PLCB1: variants seen among roughly 807,000 people sequenced by gnomAD.
PLCB1 encodes 1-phosphatidylinositol 4,5-bisphosphate phosphodiesterase beta-1.
A neutral mutation model predicts 161.8 loss-of-function variants in PLCB1; 46 were observed. The observed-to-expected ratio is 0.28, with a 90% CI of 0.22 to 0.36. PLCB1 has a LOEUF of 0.36. Ranked by LOEUF, PLCB1 falls within the 10% of genes least tolerant of loss-of-function variation. PLCB1 has a pLI of 1.00. For synonymous variants in PLCB1, 517 were observed against 503.7 expected (o/e 1.03, Z -0.35); for missense variants, 1,016 against 1,472.5 (o/e 0.69, Z 5.07).
intron 27 of PLCB1, among the ~76,000 whole-genome samples, chr20:8,778,590 A>C (rs1399687379): frequency 6.6e-6 from 1 of 152,172 alleles, no homozygotes; most frequent in African/African-American, 2.4e-5. Flanking sequence ...TACACATTGT[A>C]AAAGTTTTGA....
chr20:8,358,093 C>G (rs1448119169), intron 2 of PLCB1, among the ~76,000 whole-genome samples: 3 of 133,260 alleles, frequency 2.3e-5, no homozygotes, highest in Non-Finnish European at 4.8e-5. Flanking sequence ...CCTCTTGTCC[C>G]TTTCCCAGTT....
chr20:8,631,266 T>C lies in PLCB1; in HGVS notation c.384+2835T>C, dbSNP rs867828619. On this transcript the variant is annotated intron_variant, in intron 4 of 31. Coordinates refer to ENST00000338037, the MANE Select transcript of PLCB1 (RefSeq NM_015192.4). ...TGCTGCTGGTCCAGGCACCACACTT[T>C]GACAATCTCTTCCTTAGAGAAGCTT... Among the ~76,000 whole-genome samples, 56 of 152,334 alleles carry C rather than the reference T, an allele frequency of 3.7e-4. 1 individual carries two copies. The highest frequency in any genetic ancestry group is 1.3e-3 in the African/African-American group (54 of 41,570).
chr20:8,764,795 C>A (rs550720785), intron 25 of PLCB1, among the ~76,000 whole-genome samples: 196 of 152,294 alleles, frequency 1.3e-3, no homozygotes, highest in African/African-American at 4.5e-3. Context: ...TTGCTCAGCT[C>A]CTTCCCCAGC....
chr20:8,642,142 TG>T (rs1363763505), intron 4 of PLCB1, among the ~76,000 whole-genome samples: 2 of 152,212 alleles, frequency 1.3e-5, no homozygotes, highest in African/African-American at 4.8e-5. Flanking sequence ...TTTTGTTAGT[TG>T]GGTTTTTTTG....
chr20:8,397,907 G>A (rs915944604), intron 3 of PLCB1, among the ~76,000 whole-genome samples: 1 of 151,642 alleles, frequency 6.6e-6, no homozygotes, highest in African/African-American at 2.4e-5. Flanking sequence ...TTATGCATAA[G>A]GCTACAATTT....
At position 8,523,492 on chromosome 20, in the gene PLCB1, CTCTCTATATAT is replaced by C. The variant is rs1984450350; in HGVS notation, c.247-104801_247-104791del. The stretch of plus-strand genomic sequence containing the variant: ...TCTCTCTCTCTCTCTCTCTCTCTCT[CTCTCTATATAT>C]ATATATATATATATATATGGAGAGA... On this transcript the variant is annotated intron_variant, in intron 3 of 31. Transcript: ENST00000338037. Among the ~76,000 whole-genome samples the C allele has an allele frequency of 5.0e-4, 31 of 61,858 alleles. 5 individuals are homozygous for C. Among genetic ancestry groups the C allele is most frequent in the Admixed American group, 7.3e-4 (4 of 5,512 alleles). The allele number at this position is 61,858 out of a possible 152,430, so 40.6% of individuals were successfully genotyped here. A position where few individuals can be genotyped will look rare whatever the true frequency, so the allele number is the denominator to read the frequency against.
chr20:8,664,390 T>C (rs554774565), intron 9 of PLCB1, among the ~76,000 whole-genome samples: 2 of 152,246 alleles, frequency 1.3e-5, no homozygotes, highest in Admixed American at 1.3e-4. Context: ...ATACAGCAAG[T>C]GCTTTAGCTT....
intron 31 of PLCB1, among the ~76,000 whole-genome samples, chr20:8,851,473 C>T (rs928977488): frequency 7.2e-5 from 11 of 152,174 alleles, no homozygotes; most frequent in Non-Finnish European, 4.4e-5. Context: ...CCCTGAGTGT[C>T]TACTCAACTT....
At chr20:8,619,730 T>C (rs1345245946) in intron 3 of PLCB1, among the ~76,000 whole-genome samples, 1 of 152,136 alleles carries the variant, frequency 6.6e-6, no homozygotes, top group Admixed American at 6.5e-5. Context: ...CCTTTAGCAC[T>C]CTTTAAATTA....
chr20:8,827,590 A>T (rs1036834530), intron 31 of PLCB1, among the ~76,000 whole-genome samples: 1 of 152,248 alleles, frequency 6.6e-6, no homozygotes, highest in African/African-American at 2.4e-5. Flanking sequence ...AGCACATTTC[A>T]TGTGCTCAGT....
chr20:8,403,299 T>C (rs1978644545), intron 3 of PLCB1, among the ~76,000 whole-genome samples: 2 of 152,100 alleles, frequency 1.3e-5, no homozygotes, highest in African/African-American at 4.8e-5. Context: ...GAGGATTACT[T>C]GAGCCCAGGA....
chr20:8,393,910 T>C (rs905353809), intron 3 of PLCB1, among the ~76,000 whole-genome samples: 1 of 152,178 alleles, frequency 6.6e-6, no homozygotes, highest in Non-Finnish European at 1.5e-5. Flanking sequence ...AACAGGTTCT[T>C]AGGTGATCTA....
At chr20:8,880,049 A>T (rs1046288341) in intron 31 of PLCB1, among the ~76,000 whole-genome samples, 1 of 152,196 alleles carries the variant, frequency 6.6e-6, no homozygotes, top group Non-Finnish European at 1.5e-5. Flanking sequence ...TGAGTCGGAC[A>T]GAATCAAGAT....
rs188668462 is a variant in PLCB1, at chr20:8,197,708, G to A, written c.177+47337G>A. On this transcript the variant is annotated intron_variant, in intron 2 of 31. Coordinates refer to ENST00000338037, the MANE Select transcript of PLCB1 (RefSeq NM_015192.4). ...TTTGGCTTTTGTTGCCATTGCTTTT[G>A]GTGTTTTAGACATGAAGTTCTTGCC... is the stretch of plus-strand genomic sequence containing the variant. Among the ~76,000 whole-genome samples the A allele has an allele frequency of 7.9e-5, 12 of 152,186 alleles. No individual in the cohort carries two copies. In the East Asian group the frequency reaches 2.1e-3, roughly 27 times the overall value.
chr20:8,838,821 A>C (rs1240510158), intron 31 of PLCB1, among the ~76,000 whole-genome samples: 1 of 152,204 alleles, frequency 6.6e-6, no homozygotes, highest in Non-Finnish European at 1.5e-5. Flanking sequence ...CTCCAATTGC[A>C]GCTGTTGTAC....
intron 3 of PLCB1, among the ~76,000 whole-genome samples, chr20:8,454,282 A>G (rs978860929): frequency 6.6e-6 from 1 of 152,204 alleles, no homozygotes; most frequent in Non-Finnish European, 1.5e-5. Context: ...AATGCCTTGG[A>G]GAAGTAGCCA....
intron 3 of PLCB1, among the ~76,000 whole-genome samples, chr20:8,491,154 T>C (rs775522713): frequency 1.1e-4 from 17 of 152,010 alleles, no homozygotes; most frequent in Non-Finnish European, 1.5e-5. Flanking sequence ...TATTTTATCC[T>C]CTTTTTTAAT....
At chr20:8,710,529 T>C (rs928082135) in intron 12 of PLCB1, among the ~76,000 whole-genome samples, 20 of 142,320 alleles carry the variant, frequency 1.4e-4, no homozygotes, top group African/African-American at 3.9e-4. Context: ...TTTTTTTTTT[T>C]CTGAAGCGGA....
chr20:8,223,299 G>A (rs1371817407), intron 2 of PLCB1, among the ~76,000 whole-genome samples: 4 of 152,104 alleles, frequency 2.6e-5, no homozygotes, highest in South Asian at 2.1e-4. Flanking sequence ...AGAACAGTCT[G>A]TAAGATCACT....
Sources: allele counts gnomAD v4.1 joint callset (sites outside exome capture counted in the v4.1 genomes callset), GRCh38; gene constraint gnomAD v4.1.1; transcripts MANE v1.5; gene names NCBI Gene and HGNC (gene_info 2026-07-23, HGNC 2026-07-21).